CDH13: variants seen among roughly 807,000 people sequenced by gnomAD.
CDH13 encodes the protein cadherin 13.
CDH13 carries 24 observed loss-of-function variants against 63.8 expected under a neutral mutation model. The observed-to-expected ratio is 0.38, with a 90% CI of 0.27 to 0.53. The LOEUF is 0.53. Ranked by LOEUF, CDH13 falls within the 20% of genes least tolerant of loss-of-function variation. The pLI is 0.85. For synonymous variants in CDH13, 503 were observed against 355.3 expected (o/e 1.42, Z -4.67); for missense variants, 1,049 against 903.1 (o/e 1.16, Z -2.07).
intron 3 of CDH13, chr16:83,032,436 T>G: frequency 1.8e-6 from 1 of 544,496 alleles, no homozygotes; most frequent in Non-Finnish European, 3.3e-6. Context: ...GATTAATTCA[T>G]GGAACTATTT....
intron 7 of CDH13, among the ~76,000 whole-genome samples, chr16:83,564,260 G>GA (rs917507728): frequency 3.3e-5 from 5 of 152,118 alleles, no homozygotes; most frequent in African/African-American, 7.2e-5. Context: ...AATCTAGCAA[G>GA]AAAAAATGGC....
intron 2 of CDH13, among the ~76,000 whole-genome samples, chr16:82,930,814 C>G (rs1275508075): frequency 2.0e-5 from 3 of 152,288 alleles, no homozygotes; most frequent in South Asian, 2.1e-4. Flanking sequence ...TAATAGCCCC[C>G]TCTGTCCATT....
chr16:83,023,591 C>A (rs1052816052), intron 2 of CDH13, among the ~76,000 whole-genome samples: 8 of 152,086 alleles, frequency 5.3e-5, no homozygotes, highest in Admixed American at 2.6e-4. Flanking sequence ...TCTGAGCCAC[C>A]CAGGAAGTTG....
intron 1 of CDH13, among the ~76,000 whole-genome samples, chr16:82,842,178 A>ACG (rs373995247): frequency 0.2 from 27,354 of 133,592 alleles, 3,745 homozygotes; most frequent in Non-Finnish European, 0.27. Context: ...ACACACACAT[A>ACG]TATATACACA....
At chr16:82,864,918 C>A (rs573225882) in intron 2 of CDH13, among the ~76,000 whole-genome samples, 1 of 152,116 alleles carries the variant, frequency 6.6e-6, no homozygotes, top group African/African-American at 2.4e-5. Flanking sequence ...AATGGAGGTA[C>A]GGGCATTGGG....
At chr16:82,776,272 G>A (rs2035492555) in intron 1 of CDH13, among the ~76,000 whole-genome samples, 2 of 149,380 alleles carry the variant, frequency 1.3e-5, no homozygotes, top group South Asian at 4.2e-4. Flanking sequence ...GGAGGAGAGG[G>A]AAGAAAAAGA....
intron 10 of CDH13, among the ~76,000 whole-genome samples, chr16:83,705,997 A>G (rs372059655): frequency 1.6e-4 from 25 of 152,120 alleles, no homozygotes; most frequent in African/African-American, 5.8e-4. Flanking sequence ...ACTGGAAACA[A>G]CATCGTTTTC....
At chr16:83,065,435 T>A (rs2031925429) in intron 3 of CDH13, among the ~76,000 whole-genome samples, 1 of 152,146 alleles carries the variant, frequency 6.6e-6, no homozygotes, top group African/African-American at 2.4e-5. Flanking sequence ...CTGGGCGTGG[T>A]GGCTCGTGCC....
At chr16:83,023,328 G>T (rs761164843) in intron 2 of CDH13, among the ~76,000 whole-genome samples, 4 of 149,536 alleles carry the variant, frequency 2.7e-5, no homozygotes, top group Admixed American at 1.3e-4. Context: ...GCCCTCCCAG[G>T]GTGTTCTAAG....
At chr16:82,816,691 T>A (rs2037727775) in intron 1 of CDH13, among the ~76,000 whole-genome samples, 1 of 137,852 alleles carries the variant, frequency 7.3e-6, no homozygotes, top group South Asian at 2.8e-4. Context: ...GAAGATGAAC[T>A]TCAAAAACGA....
At chr16:83,635,680 GA>G (rs1241778253) in intron 8 of CDH13, among the ~76,000 whole-genome samples, 3 of 152,110 alleles carry the variant, frequency 2.0e-5, no homozygotes, top group Non-Finnish European at 2.9e-5. Flanking sequence ...TGAGTGTTGA[GA>G]GTCTTTTATG....
At chr16:83,365,420 C>A (rs1430263717) in intron 6 of CDH13, among the ~76,000 whole-genome samples, 2 of 152,198 alleles carry the variant, frequency 1.3e-5, no homozygotes, top group Non-Finnish European at 2.9e-5. Context: ...TCCAGACATG[C>A]CCTTACATCC....
At chr16:83,037,782 C>T (rs1916995431) in intron 3 of CDH13, among the ~76,000 whole-genome samples, 1 of 152,108 alleles carries the variant, frequency 6.6e-6, no homozygotes, top group Admixed American at 6.6e-5. Flanking sequence ...TCTGCTATGC[C>T]ACTTACTCAT....
At chr16:83,443,868 G>T (rs1038678193) in intron 6 of CDH13, among the ~76,000 whole-genome samples, 2 of 148,430 alleles carry the variant, frequency 1.3e-5, no homozygotes, top group South Asian at 4.3e-4. Flanking sequence ...CCAGGAGGTT[G>T]AGACTGCAGT....
intron 1 of CDH13, among the ~76,000 whole-genome samples, chr16:82,784,410 G>A (rs143728965): frequency 1.2e-3 from 189 of 152,300 alleles, no homozygotes; most frequent in African/African-American, 4.5e-3. Context: ...ATGAGGAAAT[G>A]TGGTCCAGCT....
chr16:82,733,771 T>C (rs1256446967), intron 1 of CDH13, among the ~76,000 whole-genome samples: 1 of 152,174 alleles, frequency 6.6e-6, no homozygotes, highest in Non-Finnish European at 1.5e-5. Context: ...GCTTAAGATA[T>C]GAAGAGAAAA....
At chr16:83,563,356 A>G (rs2075740679) in intron 7 of CDH13, among the ~76,000 whole-genome samples, 1 of 152,360 alleles carries the variant, frequency 6.6e-6, no homozygotes, top group South Asian at 2.1e-4. Context: ...AACTGCATTT[A>G]TTCACTTCAA....
At chr16:82,785,333 C>G (rs533064406) in intron 1 of CDH13, among the ~76,000 whole-genome samples, 8 of 152,256 alleles carry the variant, frequency 5.3e-5, no homozygotes, top group South Asian at 2.1e-4. Flanking sequence ...CTGGTTTATC[C>G]TTTTCCTCTG....
At chr16:83,156,137 A>T (rs12598771) in intron 4 of CDH13, among the ~76,000 whole-genome samples, 9,663 of 152,264 alleles carry the variant, frequency 0.063, 480 homozygotes, top group East Asian at 0.13. Context: ...CAGCACAAAG[A>T]GGCTTGGTTT....
Sources: allele counts gnomAD v4.1 joint callset (sites outside exome capture counted in the v4.1 genomes callset), GRCh38; gene constraint gnomAD v4.1.1; transcripts MANE v1.5; gene names NCBI Gene and HGNC (gene_info 2026-07-23, HGNC 2026-07-21).